SEC31A: variants seen among roughly 807,000 people sequenced by gnomAD.
SEC31A encodes the protein protein transport protein Sec31A.
Under a neutral mutation model 151.0 loss-of-function variants are expected in SEC31A, and 70 were observed. The observed-to-expected ratio is 0.46, with a 90% CI of 0.38 to 0.57. The LOEUF (loss-of-function observed/expected upper bound fraction) is 0.57. SEC31A is among the 20% of genes least tolerant of loss of function. The probability of loss-of-function intolerance (pLI) is 0.00; values close to 1 mark genes in which losing one functional copy is unlikely to be tolerated. For synonymous variants in SEC31A, 475 were observed against 505.9 expected, an observed-to-expected ratio of 0.94 and a Z score of 0.82; for missense variants, 1,330 against 1,471.2, an observed-to-expected ratio of 0.90 and a Z score of 1.57.
intron 1 of SEC31A, among the ~76,000 whole-genome samples, chr4:82,890,299 C>T (rs1742036901): frequency 1.3e-5 from 2 of 151,728 alleles, no homozygotes; most frequent in African/African-American, 4.8e-5. Flanking sequence ...AAGAACACAC[C>T]CTTATCGATT....
At chr4:82,864,781 T>G (rs1734945845) in intron 10 of SEC31A, among the ~76,000 whole-genome samples, 183 bp from the exon 11 acceptor site, 1 of 151,832 alleles carries the variant, frequency 6.6e-6, no homozygotes, top group East Asian at 1.9e-4. Flanking sequence ...TTTTTTGGTT[T>G]TTTTTTTTTT....
At chr4:82,881,785 T>G in intron 2 of SEC31A, 73 bp downstream of exon 2, 1 of 1,179,792 alleles carries the variant, frequency 8.5e-7, no homozygotes, top group Non-Finnish European at 1.3e-6. Context: ...AAGATAAAGC[T>G]TAAACTGAAT....
At chr4:82,853,767 T>C (rs369272134) in intron 17 of SEC31A, 52 bp from the exon 18 acceptor site, 4 of 1,414,362 alleles carry the variant, frequency 2.8e-6, no homozygotes, top group Non-Finnish European at 3.9e-6. Context: ...AATCTGTATA[T>C]GAGGCTGTGA....
chr4:82,879,741 A>T (rs1738848272), intron 3 of SEC31A, among the ~76,000 whole-genome samples: 1 of 152,216 alleles, frequency 6.6e-6, no homozygotes, highest in South Asian at 2.1e-4. Context: ...TAATATATTG[A>T]GGCAATAAAG....
chr4:82,851,030 A>G lies in SEC31A; in HGVS notation c.2328+401T>C, dbSNP rs145620250. The stretch of plus-strand genomic sequence containing the variant: ...GAACTTCAATACTATCTGGGATGGA[A>G]CATATGGGATTTTAAAAATGTTAAC... On this transcript the variant is annotated intron_variant, in intron 19 of 26. Transcript: ENST00000395310. 3.3e-5 allele frequency among the ~76,000 whole-genome samples: 5 copies of G among 152,358 alleles called. No homozygotes were observed. The East Asian group carries it at 9.6e-4, about 29-fold the overall frequency.
intron 16 of SEC31A, among the ~76,000 whole-genome samples, chr4:82,856,440 C>A (rs556739196): frequency 2.0e-5 from 3 of 151,618 alleles, no homozygotes; most frequent in African/African-American, 7.3e-5. Flanking sequence ...TGAGCCACTG[C>A]GCCCAGCCGC....
rs1177863209 is a variant in SEC31A, at chr4:82,880,758, ATAAT to A, written c.203+37_203+40del. The A allele has an allele frequency of 4.5e-6, 7 of 1,546,678 alleles. No homozygotes were observed. The Admixed American group carries it at 1.3e-4, about 30-fold the overall frequency. On this transcript the variant is annotated intron_variant, in intron 3 of 26. Transcript: ENST00000395310. ...ACAAATTAGGAATCAAGAACAATAT[ATAAT>A]TAAATAATCACATGAATTTAAAGCT...
At chr4:82,840,989 T>C (rs1728600071) in intron 22 of SEC31A, among the ~76,000 whole-genome samples, 1 of 152,234 alleles carries the variant, frequency 6.6e-6, no homozygotes, top group African/African-American at 2.4e-5. Flanking sequence ...TTATTTAAAA[T>C]TATTTTATTA....
chr4:82,874,977 T>A (rs1737587395), intron 5 of SEC31A, among the ~76,000 whole-genome samples: 1 of 152,230 alleles, frequency 6.6e-6, no homozygotes, highest in Non-Finnish European at 1.5e-5. Flanking sequence ...TGTTTCATAA[T>A]ATCTCATTCA....
upstream of SEC31A, among the ~76,000 whole-genome samples, chr4:82,892,076 T>C (rs1427438676): frequency 1.3e-5 from 2 of 152,248 alleles, no homozygotes; most frequent in African/African-American, 4.8e-5. Flanking sequence ...GTCAGCTACA[T>C]CTTCTGTAAC....
At chr4:82,853,991 A>G (rs1055021533) in intron 17 of SEC31A, among the ~76,000 whole-genome samples, 2 of 152,216 alleles carry the variant, frequency 1.3e-5, no homozygotes, top group Non-Finnish European at 2.9e-5. Flanking sequence ...TGGGAACAAC[A>G]TTTGAACAAA....
At chr4:82,879,477 G>A (rs1311407501) in intron 3 of SEC31A, among the ~76,000 whole-genome samples, 1 of 151,838 alleles carries the variant, frequency 6.6e-6, no homozygotes, top group Non-Finnish European at 1.5e-5. Context: ...TCTAATGGTA[G>A]AAAAATGACA....
At chr4:82,823,324 T>C (rs964201715) in intron 25 of SEC31A, among the ~76,000 whole-genome samples, 6 of 152,230 alleles carry the variant, frequency 3.9e-5, no homozygotes, top group African/African-American at 1.4e-4. Flanking sequence ...CCTGTCTATT[T>C]AGAAGTGTGC....
chr4:82,888,397 T>TATGCGTATATATACGTATATATATAC (rs1741419893), intron 1 of SEC31A, among the ~76,000 whole-genome samples: 1 of 50,744 alleles, frequency 2.0e-5, no homozygotes, highest in South Asian at 5.7e-4. Context: ...TATATATATA[T>TATGCGTATATATACGTATATATATAC]ACACACAGAC....
chr4:82,858,734 A>G (rs1048862096), intron 14 of SEC31A, among the ~76,000 whole-genome samples: 6 of 149,870 alleles, frequency 4.0e-5, no homozygotes, highest in Admixed American at 2.0e-4. Flanking sequence ...ACAGAGTCTC[A>G]CTCTGTCACC....
intron 16 of SEC31A, among the ~76,000 whole-genome samples, chr4:82,856,675 C>T (rs1300448119): frequency 1.3e-5 from 2 of 152,124 alleles, no homozygotes; most frequent in African/African-American, 2.4e-5. Flanking sequence ...CGCTTGAACC[C>T]AGAAGGTGGA....
In SEC31A at chr4:82,881,176, G is replaced by A. The variant is rs191514911; in HGVS notation, c.80-254C>T. Among the ~76,000 whole-genome samples the A allele has an allele frequency of 3.6e-3, 545 of 152,166 alleles. 7 individuals are homozygous for A. Among genetic ancestry groups the A allele is most frequent in the African/African-American group, 0.012 (495 of 41,508 alleles). On this transcript the variant is annotated intron_variant, in intron 2 of 26. Coordinates refer to ENST00000395310, the MANE Select transcript of SEC31A (RefSeq NM_001077207.4). ...TAAAAATCTCTGTAAAAATGGTCCC[G>A]TGATGGGGGCTGGGCACGGTGGCTC...
intron 14 of SEC31A, among the ~76,000 whole-genome samples, chr4:82,858,542 C>CAAA (rs201988682): frequency 3.0e-4 from 19 of 62,950 alleles, no homozygotes; most frequent in Non-Finnish European, 3.9e-4. Flanking sequence ...GACTCTGTCT[C>CAAA]AAAAAAAAAA....
Position 82,871,239 on chromosome 4 carries a change from C to T in SEC31A, c.782+705G>A, listed in dbSNP as rs146235637. ...ACCATTATATGGTATTCATGATTAA[C>T]GAAAAAAGTTATCTAACTATATGCA... On this transcript the variant is annotated intron_variant, in intron 7 of 26. Transcript: ENST00000395310. 197 of 1,230,156 alleles carry T rather than the reference C, an allele frequency of 1.6e-4. No homozygotes were observed. The African/African-American group carries it at 2.6e-3, about 16-fold the overall frequency. 76.2% of individuals were successfully genotyped at this position (1,230,156 alleles called of 1,614,324 possible). A position where few individuals can be genotyped will look rare whatever the true frequency, so the allele number is the denominator to read the frequency against.
Sources: allele counts gnomAD v4.1 joint callset (sites outside exome capture counted in the v4.1 genomes callset), GRCh38; gene constraint gnomAD v4.1.1; transcripts MANE v1.5; gene names NCBI Gene and HGNC (gene_info 2026-07-23, HGNC 2026-07-21).